Variants in ALCAM observed in about 807,000 individuals in gnomAD.
ALCAM encodes activated leukocyte cell adhesion molecule.
Under a neutral mutation model 70.9 loss-of-function variants are expected in ALCAM, and 30 were observed. That is an observed-to-expected ratio of 0.42 (90% CI 0.32 to 0.57). The LOEUF (loss-of-function observed/expected upper bound fraction) is 0.57. Among genes scored for constraint, ALCAM ranks in the 20% least tolerant of loss-of-function variants. The pLI is 0.11. For missense variants in ALCAM, 591 were observed against 695.1 expected (o/e 0.85, Z 1.68); for synonymous variants, 249 against 242.5 (o/e 1.03, Z -0.25).
intron 1 of ALCAM, among the ~76,000 whole-genome samples, chr3:105,387,116 C>T (rs1483240240): frequency 1.3e-5 from 2 of 151,442 alleles, no homozygotes; most frequent in African/African-American, 4.8e-5. Flanking sequence ...TAACTGAGGA[C>T]TAATTATATG....
intron 1 of ALCAM, among the ~76,000 whole-genome samples, chr3:105,372,725 A>C (rs1477054422): frequency 1.3e-5 from 2 of 152,170 alleles, no homozygotes; most frequent in East Asian, 3.8e-4. Context: ...ATCAGAAATT[A>C]GACAGCTGTC....
At chr3:105,377,758 T>G (rs1935414200) in intron 1 of ALCAM, among the ~76,000 whole-genome samples, 4 of 152,052 alleles carry the variant, frequency 2.6e-5, no homozygotes, top group Admixed American at 2.0e-4. Context: ...TTATAAGCCA[T>G]AACCTCTTCC....
At position 105,540,924 on chromosome 3, in the gene ALCAM, A is replaced by G. The variant is rs1032505574; in HGVS notation, c.859-709A>G. Among the ~76,000 whole-genome samples, 7 of 152,162 alleles carry G rather than the reference A, an allele frequency of 4.6e-5. No individual in the cohort carries two copies. In the South Asian group the frequency reaches 1.5e-3, roughly 32 times the overall value. ...CAGAAAACTTTGTTTCTCCCAATGA[A>G]TTAATTGCTGTTTTTGTTTCCTTTG... On this transcript the variant is annotated intron_variant, in intron 7 of 15. Coordinates refer to ENST00000306107, the MANE Select transcript of ALCAM (RefSeq NM_001627.4).
At chr3:105,524,855 G>C in intron 3 of ALCAM, 1 of 1,013,382 alleles carries the variant, frequency 9.9e-7, no homozygotes, top group Non-Finnish European at 1.2e-6. Context: ...ATAGATATAT[G>C]ATATATATGT....
chr3:105,489,131 A>G (rs375567503), intron 1 of ALCAM, among the ~76,000 whole-genome samples: 7 of 152,312 alleles, frequency 4.6e-5, no homozygotes, highest in African/African-American at 1.4e-4. Context: ...GATTTCACAG[A>G]TGGTAGTAAT....
At position 105,568,056 on chromosome 3, in the gene ALCAM, T is replaced by TA. The variant is rs1430570315; in HGVS notation, c.1665-3796_1665-3795insA. 7.4e-3 allele frequency among the ~76,000 whole-genome samples: 790 copies of TA among 106,786 alleles called. 6 individuals are homozygous for TA. Among genetic ancestry groups the TA allele is most frequent in the African/African-American group, 0.025 (738 of 29,668 alleles). 70.1% of individuals were successfully genotyped at this position (106,786 alleles called of 152,430 possible). On this transcript the variant is annotated intron_variant, in intron 14 of 15. Transcript: ENST00000306107. ...ATTTTATTTTTTTTATTATTTTATT[T>TA]TATTTTATTTTTTTTTTTTTTTGAG...
intron 3 of ALCAM, among the ~76,000 whole-genome samples, chr3:105,529,553 T>G (rs1939788287): frequency 6.6e-6 from 1 of 151,926 alleles, no homozygotes; most frequent in South Asian, 2.1e-4. Context: ...AAGGAGAAAA[T>G]AACTCAGGAA....
At chr3:105,435,821 C>T (rs941178241) in intron 1 of ALCAM, among the ~76,000 whole-genome samples, 4 of 152,028 alleles carry the variant, frequency 2.6e-5, no homozygotes, top group Non-Finnish European at 2.9e-5. Flanking sequence ...GACGGAGTCT[C>T]GCTCTGTCGC....
chr3:105,510,215 T>G (rs2152619515), intron 1 of ALCAM, among the ~76,000 whole-genome samples: 1 of 152,024 alleles, frequency 6.6e-6, no homozygotes, highest in South Asian at 2.1e-4. Context: ...GGAGAGGATA[T>G]GAAGGTTGGG....
At chr3:105,378,862 A>C (rs944736528) in intron 1 of ALCAM, among the ~76,000 whole-genome samples, 8 of 151,978 alleles carry the variant, frequency 5.3e-5, no homozygotes, top group Admixed American at 1.3e-4. Flanking sequence ...GAATCCATCC[A>C]AAGTGTTTGG....
intron 1 of ALCAM, among the ~76,000 whole-genome samples, chr3:105,456,588 G>C (rs975189833): frequency 6.6e-6 from 1 of 151,958 alleles, no homozygotes; most frequent in African/African-American, 2.4e-5. Context: ...CCTCTTTATC[G>C]TTTAACATGT....
chr3:105,548,403 T>C (rs1016471184), intron 11 of ALCAM, among the ~76,000 whole-genome samples: 1 of 151,388 alleles, frequency 6.6e-6, no homozygotes, highest in East Asian at 1.9e-4. Flanking sequence ...ACCACTGGAT[T>C]ATTTAAATCT....
rs186996356 is a variant in ALCAM at position 105,507,899 on chromosome 3, C to A, written c.74-12168C>A. 2.0e-5 allele frequency among the ~76,000 whole-genome samples: 3 copies of A among 152,200 alleles called. No homozygotes were observed. In the East Asian group the frequency reaches 5.8e-4, roughly 29 times the overall value. ...TTTATTGGAGGTCTACTGTGCTACC[C>A]CTGCCGTTTTTGGTGTTAGAAATGC... On this transcript the variant is annotated intron_variant, in intron 1 of 15. Transcript: ENST00000306107.
chr3:105,554,092 GGT>G (rs138029039), intron 14 of ALCAM, among the ~76,000 whole-genome samples: 4 of 150,794 alleles, frequency 2.7e-5, no homozygotes, highest in African/African-American at 9.7e-5. Context: ...ACCAGTAGAG[GGT>G]GTGTGTGTGT....
At chr3:105,449,079 A>G (rs1417765122) in intron 1 of ALCAM, among the ~76,000 whole-genome samples, 1 of 152,240 alleles carries the variant, frequency 6.6e-6, no homozygotes, top group Non-Finnish European at 1.5e-5. Flanking sequence ...ATGGAAAAAA[A>G]ACAAACATGT....
At chr3:105,411,102 C>A (rs1161560404) in intron 1 of ALCAM, among the ~76,000 whole-genome samples, 2 of 152,010 alleles carry the variant, frequency 1.3e-5, no homozygotes, top group African/African-American at 4.8e-5. Flanking sequence ...TAATGCAGCT[C>A]TTACAACATG....
chr3:105,499,063 A>G (rs1242982873), intron 1 of ALCAM, among the ~76,000 whole-genome samples: 1 of 152,184 alleles, frequency 6.6e-6, no homozygotes, highest in East Asian at 1.9e-4. Flanking sequence ...AGGCAAATGA[A>G]TGACAACAAA....
chr3:105,563,633 AAGTGACT>A (rs1050889550), intron 14 of ALCAM, among the ~76,000 whole-genome samples: 3 of 147,762 alleles, frequency 2.0e-5, no homozygotes, highest in African/African-American at 7.6e-5. Context: ...CCTTGAAGTC[AAGTGACT>A]AGACCTGTAT....
intron 1 of ALCAM, among the ~76,000 whole-genome samples, chr3:105,445,707 G>A (rs1937277029): frequency 6.6e-6 from 1 of 152,074 alleles, no homozygotes; most frequent in Non-Finnish European, 1.5e-5. Context: ...TTTCAACAAA[G>A]GTGCCAAGTA....
Sources: allele counts gnomAD v4.1 joint callset (sites outside exome capture counted in the v4.1 genomes callset), GRCh38; gene constraint gnomAD v4.1.1; transcripts MANE v1.5; gene names NCBI Gene and HGNC (gene_info 2026-07-23, HGNC 2026-07-21).